DRG1: variants seen among roughly 807,000 people sequenced by gnomAD.
DRG1 encodes developmentally regulated GTP binding protein 1.
Under a neutral mutation model 38.8 loss-of-function variants are expected in DRG1, and 19 were observed. That is an observed-to-expected ratio of 0.49 (90% CI 0.34 to 0.72). DRG1 has a LOEUF of 0.72. DRG1 is among the 30% of genes least tolerant of loss of function. DRG1 has a pLI of 0.01. For synonymous variants in DRG1, 167 were observed against 157.5 expected (o/e 1.06, Z -0.45); for missense variants, 299 against 444.8 (o/e 0.67, Z 2.95).
intron 6 of DRG1, among the ~76,000 whole-genome samples, chr22:31,425,229 C>A (rs1328994592): frequency 6.6e-6 from 1 of 152,040 alleles, no homozygotes; most frequent in Non-Finnish European, 1.5e-5. Flanking sequence ...CTATGAAATT[C>A]TCCGTTTCAG....
chr22:31,401,979 A>G (rs1281559254), intron 2 of DRG1, among the ~76,000 whole-genome samples: 1 of 151,690 alleles, frequency 6.6e-6, no homozygotes, highest in Non-Finnish European at 1.5e-5. Context: ...TGAACCTGGG[A>G]GGTGGAAGTT....
At chr22:31,410,964 A>G in intron 3 of DRG1, 48 bp from the exon 4 acceptor site, 7 of 1,588,358 alleles carry the variant, frequency 4.4e-6, no homozygotes, top group Non-Finnish European at 6.0e-6. Flanking sequence ...TTTCAAATTT[A>G]TAACCAGTTT....
chr22:31,433,686 A>G (rs1410556765), intron 8 of DRG1, among the ~76,000 whole-genome samples, 186 bp from the exon 9 acceptor site: 1 of 152,224 alleles, frequency 6.6e-6, no homozygotes, highest in Non-Finnish European at 1.5e-5. Flanking sequence ...CACAACTTCC[A>G]GAAGTCTTTA....
intron 1 of DRG1, among the ~76,000 whole-genome samples, chr22:31,400,168 T>C (rs2049952984): frequency 6.6e-6 from 1 of 152,014 alleles, no homozygotes; most frequent in Non-Finnish European, 1.5e-5. Flanking sequence ...TCCCAGTGTC[T>C]ACCCTAATGA....
intron 5 of DRG1, among the ~76,000 whole-genome samples, chr22:31,422,198 G>A (rs1465208294): frequency 2.0e-5 from 3 of 152,066 alleles, no homozygotes; most frequent in Admixed American, 1.3e-4. Flanking sequence ...TTGGGAGGCC[G>A]AAGTGGGCAG....
chr22:31,428,346 G>A (rs1243403003), intron 8 of DRG1, among the ~76,000 whole-genome samples: 1 of 152,012 alleles, frequency 6.6e-6, no homozygotes, highest in Non-Finnish European at 1.5e-5. Context: ...CGAGTAGCTG[G>A]GACTACAGGT....
chr22:31,421,793 T>G (rs1332381116), intron 5 of DRG1, among the ~76,000 whole-genome samples: 3 of 152,072 alleles, frequency 2.0e-5, no homozygotes, highest in Admixed American at 1.3e-4. Context: ...TGGGCCTAAC[T>G]GAGATCACCA....
At chr22:31,411,150 ACTACTTGG>A in intron 4 of DRG1, 69 bp downstream of exon 4, 1 of 1,547,724 alleles carries the variant, frequency 6.5e-7, no homozygotes, top group Non-Finnish European at 8.9e-7. Flanking sequence ...TTAGTCAGGG[ACTACTTGG>A]CTTGGAGATT....
chr22:31,425,406 G>C (rs763922189), intron 6 of DRG1, among the ~76,000 whole-genome samples: 1 of 151,264 alleles, frequency 6.6e-6, no homozygotes, highest in East Asian at 1.9e-4. Flanking sequence ...CATCCTAAGA[G>C]TATGTAGCTG....
intron 3 of DRG1, among the ~76,000 whole-genome samples, chr22:31,407,688 T>C (rs145264092): frequency 2.7e-4 from 41 of 149,194 alleles, no homozygotes; most frequent in African/African-American, 9.7e-4. Flanking sequence ...CATTTTTCTT[T>C]TTTTTTTTTT....
At chr22:31,422,117 A>AAAG (rs1555898984) in intron 5 of DRG1, among the ~76,000 whole-genome samples, 10 of 149,682 alleles carry the variant, frequency 6.7e-5, no homozygotes, top group Non-Finnish European at 8.9e-5. Context: ...CTCAAAAAAA[A>AAAG]AAAGAAAGAA....
intron 8 of DRG1, among the ~76,000 whole-genome samples, chr22:31,428,510 G>A (rs1050242893): frequency 6.6e-6 from 1 of 152,188 alleles, no homozygotes; most frequent in Non-Finnish European, 1.5e-5. Flanking sequence ...ACTGCGCCCA[G>A]CCCAAAGTTT....
intron 8 of DRG1, among the ~76,000 whole-genome samples, chr22:31,430,641 C>T (rs1374696293): frequency 2.6e-5 from 4 of 151,746 alleles, no homozygotes; most frequent in South Asian, 2.1e-4. Flanking sequence ...CCTCGTGATC[C>T]GCCCGCCTCG....
chr22:31,426,761 A>C lies in DRG1; in HGVS notation c.860A>C (p.Asp287Ala). ...GATGACCTATTGGAAAAGATCTGGG[A>C]CTATCTGAAACTAGTGAGAATGTAA... is the stretch of plus-strand genomic sequence containing the variant. ...NFDDLLEKIW[D>A]YLKLVRIYTK... Residue 287 changes from aspartate (D) to alanine (A), a missense_variant, in exon 7 of 9, where the codon GAC becomes GCC. Physicochemically the swap from Asp to Ala is moderately radical, Grantham distance 126. Around this residue, in one of 3 missense-constraint regions of DRG1, gnomAD observed 198 missense variants for 268.1 expected, o/e 0.74. Transcript: ENST00000331457. 6.2e-7 allele frequency: 1 copy of C among 1,614,104 alleles called. No individual in the cohort carries two copies. The highest frequency in any genetic ancestry group is 8.5e-7 in the Non-Finnish European group (1 of 1,180,012).
At chr22:31,411,530 C>CT (rs71319191) in intron 4 of DRG1, among the ~76,000 whole-genome samples, 40,244 of 129,784 alleles carry the variant, frequency 0.31, 7,092 homozygotes, top group East Asian at 0.47. Context: ...TCTGTCTTTT[C>CT]TTTTTTTTTT....
intron 8 of DRG1, among the ~76,000 whole-genome samples, chr22:31,428,802 A>G (rs970818640): frequency 2.6e-5 from 4 of 152,122 alleles, no homozygotes; most frequent in Non-Finnish European, 5.9e-5. Flanking sequence ...TAGTTATTTG[A>G]TTGAATATTC....
At position 31,403,084 on chromosome 22, in the gene DRG1, T is replaced by C. The variant is rs779461309; in HGVS notation, c.222T>C (p.Ser74=). 34 of 1,613,840 alleles carry C rather than the reference T, an allele frequency of 2.1e-5. No homozygotes were observed. The South Asian group carries it at 3.7e-4, about 18-fold the overall frequency. Residue 74 remains serine, a synonymous_variant, in exon 3 of 9, where the codon TCT becomes TCC. Coordinates refer to ENST00000331457, the MANE Select transcript of DRG1 (RefSeq NM_004147.4). ...DARIGFVGFP[S]VGKSTLLSNL... ...GAATTGGATTTGTTGGTTTTCCATCTGTGGGGAAGTCAACACTGCTTAGTA... is the reference window on the plus strand; with the variant it reads ...GAATTGGATTTGTTGGTTTTCCATCCGTGGGGAAGTCAACACTGCTTAGTA...
intron 4 of DRG1, among the ~76,000 whole-genome samples, chr22:31,418,007 A>G (rs910868745): frequency 6.7e-6 from 1 of 148,408 alleles, no homozygotes; most frequent in Non-Finnish European, 1.5e-5. Context: ...AAAAAAGTCT[A>G]CCACTGAGGC....
intron 8 of DRG1, among the ~76,000 whole-genome samples, chr22:31,429,582 G>A (rs2050128726): frequency 6.6e-6 from 1 of 151,254 alleles, no homozygotes; most frequent in African/African-American, 2.4e-5. Flanking sequence ...TTATTTTGTT[G>A]CTCAAATTAC....
Sources: gnomAD v4.1 joint callset for allele counts (sites outside exome capture counted in the v4.1 genomes callset) on GRCh38, gnomAD v4.1.1 for gene constraint, gnomAD v4.1.1 regional missense constraint, MANE v1.5 for transcripts, NCBI Gene and HGNC (gene_info 2026-07-23, HGNC 2026-07-21) for gene names.